The following GRIP1 variants were observed in gnomAD, a reference collection of about 807,000 sequenced individuals.
The protein encoded by GRIP1 is glutamate receptor-interacting protein 1.
GRIP1 carries 45 observed loss-of-function variants against 129.9 expected under a neutral mutation model. That is an observed-to-expected ratio of 0.35 (90% confidence interval 0.27 to 0.44). The LOEUF (loss-of-function observed/expected upper bound fraction) is 0.44. Ranked by LOEUF, GRIP1 falls within the 20% of genes least tolerant of loss-of-function variation. The pLI is 1.00. For missense variants in GRIP1, 1,196 were observed against 1,396.8 expected (o/e 0.86, Z 2.29); for synonymous variants, 530 against 520.8 (o/e 1.02, Z -0.24).
intron 1 of GRIP1, among the ~76,000 whole-genome samples, chr12:66,865,053 C>T (rs182680014): frequency 4.6e-5 from 7 of 152,220 alleles, no homozygotes; most frequent in African/African-American, 1.7e-4. Flanking sequence ...TTAGAAGTAA[C>T]GATCTGCTGT....
intron 7 of GRIP1, among the ~76,000 whole-genome samples, chr12:66,472,652 C>T (rs951980178): frequency 3.9e-5 from 6 of 152,132 alleles, no homozygotes; most frequent in African/African-American, 1.4e-4. Flanking sequence ...ACTGGTTAGA[C>T]AGTGGGTGCA....
At chr12:66,834,066 T>C (rs1397731834) in intron 1 of GRIP1, among the ~76,000 whole-genome samples, 2 of 150,678 alleles carry the variant, frequency 1.3e-5, no homozygotes, top group African/African-American at 4.9e-5. Flanking sequence ...TAATCCCAGC[T>C]ACTCCGGAGT....
chr12:66,515,012 A>G (rs1212067660), intron 7 of GRIP1, among the ~76,000 whole-genome samples: 1 of 152,152 alleles, frequency 6.6e-6, no homozygotes, highest in Non-Finnish European at 1.5e-5. Context: ...TAAGATCCAC[A>G]TGAGAATATC....
intron 1 of GRIP1, among the ~76,000 whole-genome samples, chr12:66,893,744 T>C (rs1017425900): frequency 6.6e-6 from 1 of 152,156 alleles, no homozygotes; most frequent in Non-Finnish European, 1.5e-5. Context: ...GATTGCAGAG[T>C]CAAAGGGTTA....
At chr12:66,829,549 A>G (rs1016385563) in intron 1 of GRIP1, among the ~76,000 whole-genome samples, 9 of 152,138 alleles carry the variant, frequency 5.9e-5, no homozygotes, top group South Asian at 2.1e-4. Context: ...CCTTTCTCCA[A>G]TCAAAAACAG....
At chr12:66,638,237 A>G (rs2031591677) in intron 1 of GRIP1, among the ~76,000 whole-genome samples, 2 of 152,284 alleles carry the variant, frequency 1.3e-5, no homozygotes, top group East Asian at 3.9e-4. Flanking sequence ...AACAAATACC[A>G]TATTTTGCAT....
At position 67,046,471 on chromosome 12, in the gene GRIP1, A is replaced by G. The variant is rs914972075; in HGVS notation, c.58+22579T>C. 2.0e-5 allele frequency among the ~76,000 whole-genome samples: 3 copies of G among 152,214 alleles called. No homozygotes were observed. The South Asian group carries it at 6.2e-4, about 32-fold the overall frequency. On this transcript the variant is annotated intron_variant, in intron 1 of 1. Transcript: ENST00000643019. ...ACTGACATGACTGAATTTCATGTTA[A>G]TTTTAATAATTTTGAGTCCTGGATT...
intron 1 of GRIP1, among the ~76,000 whole-genome samples, chr12:66,975,925 A>AT (rs1242201661): frequency 5.9e-5 from 9 of 152,162 alleles, no homozygotes; most frequent in African/African-American, 1.7e-4. Context: ...ATAGAGATGG[A>AT]TTTTGTGATG....
intron 24 of GRIP1, among the ~76,000 whole-genome samples, chr12:66,349,683 C>T (rs552051544): frequency 6.6e-6 from 1 of 152,296 alleles, no homozygotes; most frequent in African/African-American, 2.4e-5. Flanking sequence ...TGAACTACCT[C>T]TCCCACAAGC....
At chr12:66,762,728 A>C (rs945999225) in intron 1 of GRIP1, among the ~76,000 whole-genome samples, 4 of 152,180 alleles carry the variant, frequency 2.6e-5, no homozygotes, top group Non-Finnish European at 5.9e-5. Context: ...CAGGAAACTC[A>C]TATTTATTTA....
intron 2 of GRIP1, among the ~76,000 whole-genome samples, chr12:66,579,649 G>A (rs1352068100): frequency 6.6e-6 from 1 of 152,212 alleles, no homozygotes; most frequent in Non-Finnish European, 1.5e-5. Context: ...CTGGAAGAAA[G>A]GGTATCAGCA....
At chr12:66,506,608 A>G (rs1172104787) in intron 7 of GRIP1, among the ~76,000 whole-genome samples, 1 of 152,240 alleles carries the variant, frequency 6.6e-6, no homozygotes, top group Non-Finnish European at 1.5e-5. Context: ...TGGAGAACAC[A>G]TAAATGAAAA....
chr12:66,546,468 C>T (rs76358786), intron 2 of GRIP1, among the ~76,000 whole-genome samples: 14,487 of 151,806 alleles, frequency 0.095, 829 homozygotes, highest in Non-Finnish European at 0.13. Context: ...CCAGTCTGGG[C>T]GATAGAGTGA....
At chr12:66,390,509 A>C (rs2056541885) in intron 19 of GRIP1, among the ~76,000 whole-genome samples, 1 of 152,222 alleles carries the variant, frequency 6.6e-6, no homozygotes, top group Admixed American at 6.5e-5. Context: ...CTTCACAAAT[A>C]GTAAATGGTT....
chr12:66,778,345 A>G (rs2038053897), intron 1 of GRIP1, among the ~76,000 whole-genome samples: 1 of 152,186 alleles, frequency 6.6e-6, no homozygotes, highest in African/African-American at 2.4e-5. Context: ...GTCATGAACT[A>G]AAAACCAGCT....
chr12:66,857,429 C>T (rs2040026764), intron 1 of GRIP1, among the ~76,000 whole-genome samples: 1 of 151,488 alleles, frequency 6.6e-6, no homozygotes, highest in African/African-American at 2.4e-5. Context: ...TACTGTGAGC[C>T]AGGTGTTTTG....
intron 1 of GRIP1, among the ~76,000 whole-genome samples, chr12:66,967,792 A>G (rs1305051682): frequency 1.3e-5 from 2 of 152,190 alleles, no homozygotes; most frequent in African/African-American, 4.8e-5. Context: ...ATTTCACTGC[A>G]GTCTGAGTAC....
At chr12:66,526,009 C>G (rs566648222) in intron 5 of GRIP1, among the ~76,000 whole-genome samples, 4 of 152,174 alleles carry the variant, frequency 2.6e-5, no homozygotes, top group Non-Finnish European at 5.9e-5. Flanking sequence ...GAACTACAAA[C>G]CACTGCTCAA....
intron 1 of GRIP1, among the ~76,000 whole-genome samples, chr12:66,655,469 T>C (rs10784573): frequency 0.52 from 79,391 of 152,006 alleles, 21,238 homozygotes; most frequent in East Asian, 0.67. Context: ...TGTATCTACA[T>C]TGATGCCTCA....
Sources: allele counts gnomAD v4.1 joint callset (sites outside exome capture counted in the v4.1 genomes callset), GRCh38; gene constraint gnomAD v4.1.1; transcripts MANE v1.5; gene names NCBI Gene and HGNC (gene_info 2026-07-23, HGNC 2026-07-21).